The following BTBD9 variants were observed in gnomAD, a reference collection of about 807,000 sequenced individuals.
BTBD9 encodes BTB domain containing 9, also known as BTB/POZ domain-containing protein 9.
In BTBD9, 49 loss-of-function variants were observed where a neutral mutation model predicts 64.3. The ratio of observed to expected loss-of-function variants is 0.76; its 90% CI spans 0.61 to 0.97. The LOEUF (loss-of-function observed/expected upper bound fraction) is 0.97, where lower values mean the gene tolerates loss of function less well. Ranked by LOEUF, BTBD9 falls within the 50% of genes least tolerant of loss-of-function variation. The pLI, the probability that BTBD9 is intolerant of heterozygous loss-of-function variation, is 0.00. For synonymous variants in BTBD9, 260 were observed against 274.7 expected (o/e 0.95, Z 0.53); for missense variants, 598 against 762.1 (o/e 0.78, Z 2.53).
chr6:38,214,010 A>AAAAAATAAT (rs1554128876), intron 9 of BTBD9, among the ~76,000 whole-genome samples: 2 of 147,600 alleles, frequency 1.4e-5, no homozygotes, highest in African/African-American at 5.0e-5. Flanking sequence ...AAACAAACAA[A>AAAAAATAAT]AATAATAATA....
chr6:38,495,050 C>T (rs1771889815), intron 6 of BTBD9, among the ~76,000 whole-genome samples: 1 of 152,152 alleles, frequency 6.6e-6, no homozygotes, highest in African/African-American at 2.4e-5. Context: ...CCCTTTTCTG[C>T]CTACCCAAAG....
At chr6:38,288,819 C>T (rs1347398838) in intron 7 of BTBD9, among the ~76,000 whole-genome samples, 2 of 151,684 alleles carry the variant, frequency 1.3e-5, no homozygotes, top group South Asian at 2.1e-4. Flanking sequence ...CCCAGCTACT[C>T]GGGAGGCCGA....
At chr6:38,328,946 C>CA (rs35867305) in intron 7 of BTBD9, among the ~76,000 whole-genome samples, 38,826 of 120,138 alleles carry the variant, frequency 0.32, 7,176 homozygotes, top group African/African-American at 0.53. Context: ...GACTTCGTCT[C>CA]AAAAAAAAAA....
In BTBD9 at chr6:38,598,104, T is replaced by G. The variant is rs770731967; in HGVS notation, c.-10A>C. On this transcript the variant is annotated 5_prime_UTR_variant, in exon 2 of 11. Coordinates refer to ENST00000481247, the MANE Select transcript of BTBD9 (RefSeq NM_001099272.2). ...GGTGGCTGTTACTCATCTTGTGGAA[T>G]AGACGATAGTCGTTGTTCTATCATA... The G allele has an allele frequency of 3.7e-6, 6 of 1,610,890 alleles. No homozygotes were observed. In the South Asian group the frequency reaches 6.6e-5, roughly 18 times the overall value.
intron 9 of BTBD9, among the ~76,000 whole-genome samples, chr6:38,226,933 GC>G (rs1414266590): frequency 6.6e-6 from 1 of 152,198 alleles, no homozygotes; most frequent in Non-Finnish European, 1.5e-5. Flanking sequence ...TGACAGAGCA[GC>G]CTTGAATAAA....
intron 6 of BTBD9, among the ~76,000 whole-genome samples, chr6:38,394,225 T>G (rs974623338): frequency 1.3e-5 from 2 of 152,208 alleles, no homozygotes; most frequent in South Asian, 2.1e-4. Context: ...TATAATAAAA[T>G]GTAGTAAGTA....
chr6:38,304,415 G>A (rs10947729), intron 7 of BTBD9, among the ~76,000 whole-genome samples: 50,651 of 151,674 alleles, frequency 0.33, 9,696 homozygotes, highest in Non-Finnish European at 0.45. Flanking sequence ...GCATGGTGGC[G>A]GTCACCTGTA....
chr6:38,352,175 G>A (rs2395699), intron 6 of BTBD9, among the ~76,000 whole-genome samples: 83,836 of 151,776 alleles, frequency 0.55, 23,511 homozygotes, highest in East Asian at 0.83. Context: ...CTAGGAGTTC[G>A]AGACCAGCCT....
chr6:38,538,690 C>T (rs573022320), intron 6 of BTBD9, among the ~76,000 whole-genome samples: 1 of 152,264 alleles, frequency 6.6e-6, no homozygotes, highest in East Asian at 1.9e-4. Context: ...TCACTGTAAC[C>T]TCAAACACTT....
chr6:38,458,660 T>C (rs968290949), intron 6 of BTBD9, among the ~76,000 whole-genome samples: 1 of 152,204 alleles, frequency 6.6e-6, no homozygotes, highest in East Asian at 1.9e-4. Context: ...GTTTTCAAAA[T>C]ATACTGTGAG....
intron 6 of BTBD9, among the ~76,000 whole-genome samples, chr6:38,541,044 T>C (rs148021550): frequency 1.1e-4 from 17 of 152,308 alleles, no homozygotes; most frequent in Non-Finnish European, 2.4e-4. Context: ...GAAAACACAG[T>C]AGCTGTCTTA....
chr6:38,445,961 A>G (rs1187391057), intron 6 of BTBD9, among the ~76,000 whole-genome samples: 1 of 152,230 alleles, frequency 6.6e-6, no homozygotes, highest in Non-Finnish European at 1.5e-5. Flanking sequence ...CTAGAAGCAC[A>G]TAATTTAGAC....
chr6:38,591,817 A>G (rs982148503), intron 4 of BTBD9, among the ~76,000 whole-genome samples: 1 of 152,208 alleles, frequency 6.6e-6, no homozygotes, highest in Non-Finnish European at 1.5e-5. Flanking sequence ...TTAAGTGGTG[A>G]TAAGTATCAT....
intron 7 of BTBD9, among the ~76,000 whole-genome samples, chr6:38,341,419 T>C (rs1562048962): frequency 6.6e-6 from 1 of 152,202 alleles, no homozygotes; most frequent in Non-Finnish European, 1.5e-5. Context: ...AGGAACAAAG[T>C]AGATCACATA....
At chr6:38,611,135 T>C (rs1777605439) in intron 1 of BTBD9, among the ~76,000 whole-genome samples, 1 of 152,110 alleles carries the variant, frequency 6.6e-6, no homozygotes, top group Admixed American at 6.5e-5. Flanking sequence ...TAAATACATA[T>C]ACGTATATGT....
intron 6 of BTBD9, among the ~76,000 whole-genome samples, chr6:38,528,854 C>T (rs1193872713): frequency 1.3e-5 from 2 of 152,016 alleles, no homozygotes; most frequent in African/African-American, 4.8e-5. Flanking sequence ...CCACCACATT[C>T]CCAGCTGTGG....
chr6:38,526,085 C>T (rs1204817817), intron 6 of BTBD9, among the ~76,000 whole-genome samples: 2 of 152,214 alleles, frequency 1.3e-5, no homozygotes, highest in African/African-American at 4.8e-5. Flanking sequence ...TCACAGCAAA[C>T]CTCCCATCAC....
intron 6 of BTBD9, among the ~76,000 whole-genome samples, chr6:38,565,032 C>G (rs192797864): frequency 6.6e-6 from 1 of 152,236 alleles, no homozygotes; most frequent in East Asian, 1.9e-4. Context: ...TTCTGTCTAC[C>G]TATGTCATTC....
At chr6:38,363,479 T>C (rs1765055169) in intron 6 of BTBD9, among the ~76,000 whole-genome samples, 1 of 152,186 alleles carries the variant, frequency 6.6e-6, no homozygotes, top group African/African-American at 2.4e-5. Context: ...CTCTGGAGGC[T>C]GGGGCAGAAG....
Sources: gnomAD v4.1 joint callset for allele counts (sites outside exome capture counted in the v4.1 genomes callset) on GRCh38, gnomAD v4.1.1 for gene constraint, MANE v1.5 for transcripts, NCBI Gene and HGNC (gene_info 2026-07-23, HGNC 2026-07-21) for gene names.